NCKAP5: variants seen among roughly 807,000 people sequenced by gnomAD.
The protein encoded by NCKAP5 is nck-associated protein 5.
A neutral mutation model predicts 167.0 loss-of-function variants in NCKAP5; 92 were observed. The observed-to-expected ratio is 0.55, with a 90% CI of 0.47 to 0.66. The LOEUF is 0.66. Ranked by LOEUF, NCKAP5 falls within the 30% of genes least tolerant of loss-of-function variation. The probability of loss-of-function intolerance (pLI) is 0.00; values close to 1 mark genes in which losing one functional copy is unlikely to be tolerated. For synonymous variants in NCKAP5, 891 were observed against 877.4 expected, an observed-to-expected ratio of 1.02 and a Z score of -0.27; for missense variants, 2,378 against 2,315.0, an observed-to-expected ratio of 1.03 and a Z score of -0.56.
At chr2:133,029,191 C>A (rs1357784650) in intron 6 of NCKAP5, among the ~76,000 whole-genome samples, 3 of 152,198 alleles carry the variant, frequency 2.0e-5, no homozygotes, top group Non-Finnish European at 2.9e-5. Context: ...CTCTCCCATA[C>A]ATTTTACAGC....
intron 6 of NCKAP5, among the ~76,000 whole-genome samples, chr2:133,129,662 A>T (rs926559053): frequency 2.6e-5 from 4 of 152,026 alleles, no homozygotes; most frequent in Non-Finnish European, 5.9e-5. Context: ...ATCCCTGAGG[A>T]ATTTTGGCTG....
rs143253868 is a variant in NCKAP5, at chr2:133,004,191, G to A, written c.342-9952C>T. ...CCACAAAGGAGAAATACACCTCACT[G>A]GCTTTTACTTGCCTGGTTAACAGTT... is the stretch of plus-strand genomic sequence containing the variant. On this transcript the variant is annotated intron_variant, in intron 6 of 19. Transcript: ENST00000409261. 1.8e-3 allele frequency among the ~76,000 whole-genome samples: 271 copies of A among 152,272 alleles called. 1 individual carries two copies. Among genetic ancestry groups the A allele is most frequent in the South Asian group, 0.014 (69 of 4,824 alleles).
chr2:133,148,467 T>A (rs1297579027), intron 5 of NCKAP5, among the ~76,000 whole-genome samples: 4 of 152,180 alleles, frequency 2.6e-5, no homozygotes, highest in African/African-American at 7.2e-5. Flanking sequence ...TTTCTTAAAG[T>A]GAAATGGCAT....
intron 16 of NCKAP5, among the ~76,000 whole-genome samples, chr2:132,746,981 T>C (rs932374863): frequency 6.6e-6 from 1 of 151,556 alleles, no homozygotes; most frequent in African/African-American, 2.4e-5. Context: ...TAGGAGAGGG[T>C]GGGGTGTAAA....
At chr2:132,684,077 T>G (rs760893786) in intron 19 of NCKAP5, among the ~76,000 whole-genome samples, 12 of 152,248 alleles carry the variant, frequency 7.9e-5, no homozygotes, top group Non-Finnish European at 1.6e-4. Flanking sequence ...TCAACTGGCT[T>G]TATGCCACTT....
intron 3 of NCKAP5, among the ~76,000 whole-genome samples, chr2:133,425,713 C>A (rs1169363765): frequency 6.6e-6 from 1 of 152,046 alleles, no homozygotes; most frequent in Non-Finnish European, 1.5e-5. Flanking sequence ...GAGTCTGAAA[C>A]CAAATTCTAA....
At chr2:132,793,491 T>C (rs1684236964) in intron 12 of NCKAP5, among the ~76,000 whole-genome samples, 2 of 152,240 alleles carry the variant, frequency 1.3e-5, no homozygotes, top group African/African-American at 4.8e-5. Context: ...GATTCGGTAA[T>C]TCTGAGGTAG....
chr2:132,997,877 G>A (rs2077652733), intron 6 of NCKAP5, among the ~76,000 whole-genome samples: 1 of 151,918 alleles, frequency 6.6e-6, no homozygotes, highest in Non-Finnish European at 1.5e-5. Flanking sequence ...GCTAATACTT[G>A]ATTTCATTTT....
At chr2:133,663,721 T>C in the NCKAP5 span, among the ~76,000 whole-genome samples, 1 of 152,214 alleles carries the variant, frequency 6.6e-6, no homozygotes, top group African/African-American at 2.4e-5. Context: ...GCTCCACTTC[T>C]AATTCCAGTT....
chr2:133,034,255 T>TATTGAATATTGA (rs1218786295), intron 6 of NCKAP5, among the ~76,000 whole-genome samples: 3 of 152,118 alleles, frequency 2.0e-5, no homozygotes, highest in Non-Finnish European at 4.4e-5. Flanking sequence ...CCTAGAATAG[T>TATTGAATATTGA]ATATCCATTG....
the NCKAP5 span, among the ~76,000 whole-genome samples, chr2:133,646,074 G>A: frequency 3.9e-5 from 6 of 151,902 alleles, no homozygotes; most frequent in South Asian, 2.1e-4. Flanking sequence ...ATGTATGTGT[G>A]TGTGTCTATG....
At chr2:133,293,923 C>A (rs921988022) in intron 4 of NCKAP5, among the ~76,000 whole-genome samples, 1 of 152,094 alleles carries the variant, frequency 6.6e-6, no homozygotes, top group Non-Finnish European at 1.5e-5. Flanking sequence ...AGAAATTCAT[C>A]CCAAGGGTTG....
At chr2:132,934,867 C>T (rs1696721680) in intron 8 of NCKAP5, among the ~76,000 whole-genome samples, 1 of 152,182 alleles carries the variant, frequency 6.6e-6, no homozygotes, top group Admixed American at 6.5e-5. Flanking sequence ...ATCCATTTCA[C>T]CTCTTGTATG....
intron 6 of NCKAP5, among the ~76,000 whole-genome samples, chr2:133,056,133 C>A (rs75002765): frequency 0.014 from 2,083 of 152,154 alleles, 51 homozygotes; most frequent in African/African-American, 0.045. Context: ...TTTGTCTGTA[C>A]CACTTTCTCG....
intron 6 of NCKAP5, among the ~76,000 whole-genome samples, chr2:133,027,276 T>C (rs2078730212): frequency 6.6e-6 from 1 of 152,140 alleles, no homozygotes; most frequent in Non-Finnish European, 1.5e-5. Flanking sequence ...ATATGACAAA[T>C]ACCCTCGTCT....
intron 3 of NCKAP5, among the ~76,000 whole-genome samples, chr2:133,315,569 G>A (rs72987663): frequency 0.032 from 4,783 of 151,666 alleles, 248 homozygotes; most frequent in African/African-American, 0.11. Flanking sequence ...ACATCGAATG[G>A]GATTACCTGA....
rs182846210 is a variant in NCKAP5, at chr2:133,425,624, G to C, written c.69+91834C>G. 3.5e-4 allele frequency among the ~76,000 whole-genome samples: 53 copies of C among 152,244 alleles called. No individual in the cohort carries two copies. The South Asian group carries it at 9.9e-3, about 29-fold the overall frequency. On this transcript the variant is annotated intron_variant, in intron 3 of 19. Coordinates refer to ENST00000409261, the MANE Select transcript of NCKAP5 (RefSeq NM_207363.3). Reference sequence around the variant, plus strand: ...TCAAAATGAATGACAATAACATATAGAGAACTGCAATAGTATGAAGGTTAA... The same window carrying C: ...TCAAAATGAATGACAATAACATATACAGAACTGCAATAGTATGAAGGTTAA...
In NCKAP5 at chr2:133,130,080, T is replaced by G; in HGVS notation, c.239A>C (p.Glu80Ala). 2 of 1,611,656 alleles carry G rather than the reference T, an allele frequency of 1.2e-6. No homozygotes were observed. The highest frequency in any genetic ancestry group is 1.7e-6 in the Non-Finnish European group (2 of 1,179,138). Residue 80 changes from glutamate to alanine, a missense_variant, in exon 6 of 20, where the codon GAG (glutamate) becomes GCG (alanine). This residue lies in a region of NCKAP5 where 1,049 missense variants were observed against 1,023.4 expected (regional missense o/e 1.02). Transcript: ENST00000409261. ...HEKLIHELEE[E>A]RHLRLQSEKR... is the part of the protein sequence containing the mutation. The stretch of plus-strand genomic sequence containing the variant: ...CTCGCTTTGAAGACGTAAGTGTCTC[T>G]CCTCTTCCAGTTCATGTATCAGCTT...
At chr2:133,619,937 G>A in the NCKAP5 span, among the ~76,000 whole-genome samples, 2 of 152,108 alleles carry the variant, frequency 1.3e-5, no homozygotes, top group Non-Finnish European at 2.9e-5. Context: ...ACAAGGGATT[G>A]GGGTCCTACT....
Sources: gnomAD v4.1 joint callset for allele counts (sites outside exome capture counted in the v4.1 genomes callset) on GRCh38, gnomAD v4.1.1 for gene constraint, gnomAD v4.1.1 regional missense constraint, MANE v1.5 for transcripts, NCBI Gene and HGNC (gene_info 2026-07-23, HGNC 2026-07-21) for gene names.